The following SAG variants were observed in gnomAD, a reference collection of about 807,000 sequenced individuals.
The protein encoded by SAG is S-antigen visual arrestin.
In SAG, 45 loss-of-function variants were observed where a neutral mutation model predicts 55.0. That is an observed-to-expected ratio of 0.82 (90% confidence interval 0.64 to 1.05). The LOEUF is 1.05. SAG is among the 50% of genes least tolerant of loss of function. SAG has a pLI of 0.00. For synonymous variants in SAG, 189 were observed against 197.4 expected (o/e 0.96, Z 0.36); for missense variants, 455 against 512.1 (o/e 0.89, Z 1.08).
chr2:233,330,254 A>G (rs3792096), intron 9 of SAG, among the ~76,000 whole-genome samples: 111,806 of 152,100 alleles, frequency 0.74, 41,587 homozygotes, highest in African/African-American at 0.84. Flanking sequence ...TCAAACATTC[A>G]ATGACCAAGA....
intron 1 of SAG, 187 bp from the exon 2 acceptor site, chr2:233,308,975 A>G (rs564158352): frequency 2.0e-6 from 1 of 488,164 alleles, no homozygotes; most frequent in Non-Finnish European, 3.7e-6. Flanking sequence ...ACCCCAAAGC[A>G]TGCTGCAGTA....
intron 11 of SAG, 118 bp from the exon 12 acceptor site, chr2:233,338,558 T>C (rs780844231): frequency 1.1e-6 from 1 of 875,404 alleles, no homozygotes; most frequent in Non-Finnish European, 1.9e-6. Context: ...CTCAGTGAGT[T>C]CACCAGTCCC....
rs1191170192 is a variant in SAG, at chr2:233,340,838, T to A, written c.1046+360T>A. On this transcript the variant is annotated intron_variant, in intron 13 of 15. Transcript: ENST00000409110. This position sits in a 1 kb window ranked among gnomAD's most constrained non-coding sequence, Gnocchi z 4.2. ...ATTATTTATTTTATTTTTTGAGATG[T>A]AGTCTCACTCTGTGGCCCAGCCTGG... Among the ~76,000 whole-genome samples the A allele has an allele frequency of 6.6e-6, 1 of 152,162 alleles. No individual in the cohort carries two copies. The highest frequency in any genetic ancestry group is 1.5e-5 in the Non-Finnish European group (1 of 68,024).
chr2:233,331,525 G>C lies in SAG; in HGVS notation c.734-115G>C, dbSNP rs189435335. 5.2e-5 allele frequency: 39 copies of C among 743,700 alleles called. No individual in the cohort carries two copies. The East Asian group carries it at 9.0e-4, about 17-fold the overall frequency. 46.1% of individuals were successfully genotyped at this position (743,700 alleles called of 1,614,324 possible). A position where few individuals can be genotyped will look rare whatever the true frequency, so the allele number is the denominator to read the frequency against. ...GCTGAGAAAGCCTAGCCTTGGAAGT[G>C]GAGGGAAACCATCATCAGAGAGGAG... On this transcript the variant is annotated intron_variant, in intron 9 of 15. Coordinates refer to ENST00000409110, the MANE Select transcript of SAG (RefSeq NM_000541.5).
At chr2:233,330,422 G>A (rs1215795370) in intron 9 of SAG, among the ~76,000 whole-genome samples, 1 of 151,602 alleles carries the variant, frequency 6.6e-6, no homozygotes, top group African/African-American at 2.4e-5. Flanking sequence ...CACAGATGAG[G>A]GTCAGAAATC....
At chr2:233,338,503 C>G in intron 11 of SAG, 173 bp from the exon 12 acceptor site, 1 of 633,198 alleles carries the variant, frequency 1.6e-6, no homozygotes, top group South Asian at 1.9e-5. Flanking sequence ...GCAAGGAGTC[C>G]CCATACCCAC....
chr2:233,313,280 G>A (rs1262782140), intron 2 of SAG, among the ~76,000 whole-genome samples: 3 of 152,202 alleles, frequency 2.0e-5, no homozygotes, highest in Non-Finnish European at 2.9e-5. Context: ...GGAAACAATA[G>A]GAACAGAGGC....
At chr2:233,322,767 A>G (rs1700426420) in intron 5 of SAG, among the ~76,000 whole-genome samples, 179 bp from the exon 6 acceptor site, 1 of 152,224 alleles carries the variant, frequency 6.6e-6, no homozygotes, top group African/African-American at 2.4e-5. Flanking sequence ...GTGTACAGGC[A>G]GGAAATTTTG....
rs541547707 is a variant in SAG, at chr2:233,343,069, T to G, written c.1102+743T>G. The G allele has an allele frequency of 3.4e-4, 48 of 142,958 alleles. 4 individuals carry two copies. In the East Asian group the frequency reaches 8.5e-3, roughly 25 times the overall value. The allele number at this position is 142,958 out of a possible 1,614,324, so 8.9% of individuals were successfully genotyped here. On this transcript the variant is annotated intron_variant, in intron 14 of 15. Coordinates refer to ENST00000409110, the MANE Select transcript of SAG (RefSeq NM_000541.5). ...CACTGCACCTGGCTGAAGATAACTG[T>G]TTTTTTTTGGGGTTTTTTTTTTTTT...
chr2:233,315,898 G>T (rs1700204875), intron 2 of SAG, among the ~76,000 whole-genome samples, 177 bp from the exon 3 acceptor site: 1 of 151,140 alleles, frequency 6.6e-6, no homozygotes, highest in Admixed American at 6.6e-5. Context: ...GTAGAGACAG[G>T]GTTTCACCAT....
intron 5 of SAG, among the ~76,000 whole-genome samples, chr2:233,322,613 C>A (rs1310660844): frequency 6.6e-6 from 1 of 152,096 alleles, no homozygotes; most frequent in Non-Finnish European, 1.5e-5. Context: ...CCAGCCTGGG[C>A]AACATGGTGA....
chr2:233,338,427 G>A (rs1230198183), intron 11 of SAG: 1 of 526,706 alleles, frequency 1.9e-6, no homozygotes, highest in African/African-American at 1.9e-5. Flanking sequence ...GCACAGAGAA[G>A]GGGGTTGCAT....
intron 2 of SAG, among the ~76,000 whole-genome samples, chr2:233,314,539 C>A (rs923697072): frequency 6.6e-6 from 1 of 152,166 alleles, no homozygotes; most frequent in African/African-American, 2.4e-5. Flanking sequence ...GCCAAGACAC[C>A]CACAGTGTTT....
chr2:233,325,919 G>A (rs1301566101), intron 6 of SAG, among the ~76,000 whole-genome samples: 1 of 152,188 alleles, frequency 6.6e-6, no homozygotes, highest in Admixed American at 6.5e-5. Context: ...TGGCAGGGAA[G>A]GATGCATATT....
intron 9 of SAG, among the ~76,000 whole-genome samples, chr2:233,330,480 CCTTCCTTCCTT>C (rs1559446443): frequency 1.6e-3 from 33 of 20,116 alleles, no homozygotes; most frequent in East Asian, 1.0e-2. Context: ...TCCCTCCCTT[CCTTCCTTCCTT>C]CCTTCCTTCC....
At position 233,320,831 on chromosome 2, in the gene SAG, A is replaced by T; in HGVS notation, c.375+8A>T. The T allele has an allele frequency of 1.3e-6, 2 of 1,575,412 alleles. No individual in the cohort carries two copies. ...TACCCCTTTCTCCTGACGGTGGGTGACTCCTCCGGCCAGCCCTGCTTCCTT... is the reference window on the plus strand; with the variant it reads ...TACCCCTTTCTCCTGACGGTGGGTGTCTCCTCCGGCCAGCCCTGCTTCCTT... On this transcript the variant is annotated splice_region_variant and intron_variant, in intron 5 of 15. Transcript: ENST00000409110.
chr2:233,311,162 A>G (rs1700066952), intron 2 of SAG, among the ~76,000 whole-genome samples: 1 of 151,970 alleles, frequency 6.6e-6, no homozygotes, highest in Non-Finnish European at 1.5e-5. Context: ...ATGTATTCAG[A>G]TCATTTTGCC....
intron 4 of SAG, chr2:233,320,090 C>T (rs543679550): frequency 1.8e-5 from 12 of 652,186 alleles, no homozygotes; most frequent in East Asian, 2.7e-4. Context: ...TTCAGAGCAG[C>T]GTGAAAAGGA....
At chr2:233,318,108 G>C (rs1700264173) in intron 3 of SAG, among the ~76,000 whole-genome samples, 1 of 151,864 alleles carries the variant, frequency 6.6e-6, no homozygotes, top group Non-Finnish European at 1.5e-5. Flanking sequence ...CACATAGCTG[G>C]GACCACAGGC....
Sources: allele counts gnomAD v4.1 joint callset (sites outside exome capture counted in the v4.1 genomes callset), GRCh38; gene constraint gnomAD v4.1.1; non-coding constraint Gnocchi (gnomAD v3.1); transcripts MANE v1.5; gene names NCBI Gene and HGNC (gene_info 2026-07-23, HGNC 2026-07-21).